Variants in VPS8 observed in about 807,000 individuals in gnomAD.
VPS8 encodes the protein vacuolar protein sorting-associated protein 8 homolog.
VPS8 carries 129 observed loss-of-function variants against 216.4 expected under a neutral mutation model. The observed-to-expected ratio is 0.60, with a 90% CI of 0.52 to 0.69. The LOEUF is 0.69. VPS8 is among the 30% of genes least tolerant of loss of function. The pLI is 0.00. For synonymous variants in VPS8, 571 were observed against 565.4 expected, an observed-to-expected ratio of 1.01 and a Z score of -0.14; for missense variants, 1,531 against 1,683.5, an observed-to-expected ratio of 0.91 and a Z score of 1.59.
intron 5 of VPS8, among the ~76,000 whole-genome samples, chr3:184,835,709 CTTTTTTTTT>C (rs34896906): frequency 7.9e-6 from 1 of 126,766 alleles, no homozygotes; most frequent in African/African-American, 2.9e-5. Context: ...TTGGATTTTT[CTTTTTTTTT>C]TTTTTTTTTG....
chr3:184,891,303 T>C (rs1034469870), intron 22 of VPS8, among the ~76,000 whole-genome samples: 1 of 152,166 alleles, frequency 6.6e-6, no homozygotes, highest in African/African-American at 2.4e-5. Context: ...TTTTAATTTG[T>C]TCACTCATGT....
At chr3:184,926,462 C>T in intron 30 of VPS8, 132 bp from the exon 31 acceptor site, 2 of 810,298 alleles carry the variant, frequency 2.5e-6, no homozygotes, top group Non-Finnish European at 1.9e-6. Context: ...GGAAGGTAGC[C>T]TACACCTGTG....
intron 42 of VPS8, among the ~76,000 whole-genome samples, chr3:184,990,735 A>G (rs562704683): frequency 6.6e-6 from 1 of 152,154 alleles, no homozygotes; most frequent in South Asian, 2.1e-4. Context: ...CGTTTCTCAT[A>G]CCCACCTCAC....
In VPS8 at chr3:184,849,129, C is replaced by T. The variant is rs768304905; in HGVS notation, c.600C>T (p.Gly200=). Residue 200 remains glycine (G), a synonymous_variant, in exon 9 of 48, where the codon GGC becomes GGT. Transcript: ENST00000625842. ...LGSTSVGGQY[G]AISALSINND... ...GCACTAGTGTTGGAGGTCAGTATGGCGCTATCTCTGCCCTCAGTATCAACA... is the reference window on the plus strand; with the variant it reads ...GCACTAGTGTTGGAGGTCAGTATGGTGCTATCTCTGCCCTCAGTATCAACA... 1.2e-5 allele frequency: 20 copies of T among 1,613,378 alleles called. No individual in the cohort carries two copies. The highest frequency in any genetic ancestry group is 1.0e-4 in the Admixed American group (6 of 59,982).
chr3:184,899,614 C>T (rs2108976329), intron 24 of VPS8, among the ~76,000 whole-genome samples: 2 of 152,214 alleles, frequency 1.3e-5, no homozygotes, highest in East Asian at 3.9e-4. Context: ...TCTTGAACAC[C>T]TCTCGGCTGC....
At chr3:184,913,931 A>G (rs536641394) in intron 26 of VPS8, among the ~76,000 whole-genome samples, 18 of 152,312 alleles carry the variant, frequency 1.2e-4, no homozygotes, top group African/African-American at 3.6e-4. Context: ...CGGGTTTTTT[A>G]TGTTTACTAG....
chr3:184,987,591 C>T (rs28889328), intron 42 of VPS8, among the ~76,000 whole-genome samples: 19,044 of 151,932 alleles, frequency 0.13, 1,492 homozygotes, highest in African/African-American at 0.22. Context: ...CTGTATATTC[C>T]ATTGTATGGA....
At chr3:185,011,015 A>G (rs1754943272) in intron 45 of VPS8, among the ~76,000 whole-genome samples, 1 of 152,134 alleles carries the variant, frequency 6.6e-6, no homozygotes, top group Non-Finnish European at 1.5e-5. Context: ...ACAAAAAAGA[A>G]AAAGAAATGA....
chr3:184,864,854 A>T (rs554808050), intron 16 of VPS8, among the ~76,000 whole-genome samples: 1 of 152,370 alleles, frequency 6.6e-6, no homozygotes, highest in East Asian at 1.9e-4. Flanking sequence ...AAAACAACCT[A>T]TAACAAGGAG....
intron 1 of VPS8, among the ~76,000 whole-genome samples, chr3:184,814,708 G>A (rs910426687): frequency 2.0e-5 from 3 of 152,206 alleles, no homozygotes; most frequent in Non-Finnish European, 2.9e-5. Context: ...GAGGCAGTGA[G>A]TAGTGAGTGA....
chr3:184,825,513 A>G (rs1386089389), intron 2 of VPS8, among the ~76,000 whole-genome samples: 1 of 152,202 alleles, frequency 6.6e-6, no homozygotes, highest in Non-Finnish European at 1.5e-5. Flanking sequence ...CTTATTGCTT[A>G]TGACTTATGT....
chr3:184,921,052 C>T (rs947797670), intron 29 of VPS8, among the ~76,000 whole-genome samples: 1 of 152,122 alleles, frequency 6.6e-6, no homozygotes, highest in African/African-American at 2.4e-5. Flanking sequence ...ATTGAGTTGG[C>T]TAGTATGGAG....
intron 42 of VPS8, among the ~76,000 whole-genome samples, chr3:184,984,967 T>G (rs765190403): frequency 6.6e-6 from 1 of 152,210 alleles, no homozygotes; most frequent in African/African-American, 2.4e-5. Context: ...ATCTTCACTT[T>G]ATTTTGAGTT....
intron 45 of VPS8, among the ~76,000 whole-genome samples, chr3:185,019,820 G>A (rs554766351): frequency 3.6e-4 from 55 of 152,336 alleles, no homozygotes; most frequent in Admixed American, 1.1e-3. Context: ...TCCTGGTATG[G>A]ACTAGTCTTT....
chr3:184,937,634 G>A (rs1741876963), intron 35 of VPS8, among the ~76,000 whole-genome samples: 1 of 152,162 alleles, frequency 6.6e-6, no homozygotes. Context: ...AGACAAGAAT[G>A]CCCAGAGATC....
intron 1 of VPS8, among the ~76,000 whole-genome samples, chr3:184,823,962 A>AGGCTATGG (rs1391724974): frequency 3.9e-5 from 6 of 152,176 alleles, no homozygotes; most frequent in African/African-American, 1.4e-4. Flanking sequence ...AATCTCTGGT[A>AGGCTATGG]GGCTATGGAG....
chr3:184,822,484 C>T (rs920741890), intron 1 of VPS8, among the ~76,000 whole-genome samples: 4 of 152,126 alleles, frequency 2.6e-5, no homozygotes, highest in African/African-American at 9.7e-5. Context: ...GTTTTCCTTT[C>T]TGAGTTATTT....
At chr3:185,010,726 G>T (rs1463500295) in intron 45 of VPS8, among the ~76,000 whole-genome samples, 1 of 152,158 alleles carries the variant, frequency 6.6e-6, no homozygotes, top group Non-Finnish European at 1.5e-5. Flanking sequence ...ACAGGGCTTG[G>T]TACAGTGGCT....
intron 36 of VPS8, among the ~76,000 whole-genome samples, chr3:184,946,097 C>T (rs1743625902): frequency 6.6e-6 from 1 of 152,152 alleles, no homozygotes; most frequent in South Asian, 2.1e-4. Flanking sequence ...TTGGGGAAGT[C>T]ACAGATCTTA....
Sources: allele counts gnomAD v4.1 joint callset (sites outside exome capture counted in the v4.1 genomes callset), GRCh38; gene constraint gnomAD v4.1.1; transcripts MANE v1.5; gene names NCBI Gene and HGNC (gene_info 2026-07-23, HGNC 2026-07-21).